ZNF3: variants seen among roughly 807,000 people sequenced by gnomAD.
ZNF3 encodes the protein zinc finger protein 3.
Under a neutral mutation model 36.9 loss-of-function variants are expected in ZNF3, and 16 were observed. That is an observed-to-expected ratio of 0.43 (90% CI 0.29 to 0.66). The LOEUF is 0.66. ZNF3 is among the 30% of genes least tolerant of loss of function. The pLI is 0.13. For synonymous variants in ZNF3, 201 were observed against 201.9 expected (o/e 1.00, Z 0.04); for missense variants, 462 against 543.1 (o/e 0.85, Z 1.48).
exon 6 of ZNF3, chr7:100,064,459 G>T (rs1295841267): frequency 1.2e-6 from 2 of 1,613,916 alleles, no homozygotes; most frequent in Non-Finnish European, 1.7e-6. Context: ...TAAGGAGTGT[G>T]GGAAAGCCTT....
At chr7:100,072,367 C>T (rs2116301380) in intron 5 of ZNF3, among the ~76,000 whole-genome samples, 155 bp from the exon 6 acceptor site, 1 of 152,288 alleles carries the variant, frequency 6.6e-6, no homozygotes, top group Non-Finnish European at 1.5e-5. Context: ...CAAAATGAGA[C>T]AGCCGGGCTA....
chr7:100,082,048 T>C (rs1368809499), upstream of ZNF3, among the ~76,000 whole-genome samples: 1 of 152,068 alleles, frequency 6.6e-6, no homozygotes, highest in Non-Finnish European at 1.5e-5. Context: ...CGCGCGGGGA[T>C]GTCGAGCCCG....
In ZNF3 at chr7:100,071,235, T is replaced by C; in HGVS notation, c.1249A>G (p.Ile417Val). The change falls in exon 6 of 6, where the codon ATT becomes GTT. Residue 417 changes from isoleucine to valine, a missense_variant. Ile to Val is a conservative substitution (Grantham distance 29). Coordinates refer to ENST00000299667, the MANE Select transcript of ZNF3 (RefSeq NM_032924.5). ...YSSALVRHQR[I>V]HTGEKPLNGI... ...TTCAAAGGCTTCTCTCCAGTGTGAATTCTCTGATGGCGAACAAGAGCCGAG... is the reference window on the plus strand; with the variant it reads ...TTCAAAGGCTTCTCTCCAGTGTGAACTCTCTGATGGCGAACAAGAGCCGAG... 4 of 1,614,244 alleles carry C rather than the reference T, an allele frequency of 2.5e-6. No homozygotes were observed. Among genetic ancestry groups the C allele is most frequent in the Non-Finnish European group, 3.4e-6 (4 of 1,180,034 alleles).
rs377176359 is a variant in ZNF3 at position 100,071,980 on chromosome 7, T to C, written c.504A>G (p.Gly168=). The C allele has an allele frequency of 3.3e-5, 54 of 1,613,774 alleles. No homozygotes were observed. The highest frequency in any genetic ancestry group is 4.6e-5 in the Non-Finnish European group (54 of 1,179,944). ...VTVEEKLTPR[G]ERSEKYNDFG... ...AATCATTATATTTCTCGCTTCTCTCTCCCCTGGGGGTTAGCTTCTCCTCAA... is the reference window on the plus strand; with the variant it reads ...AATCATTATATTTCTCGCTTCTCTCCCCCCTGGGGGTTAGCTTCTCCTCAA... The change falls in exon 6 of 6, where the codon GGA becomes GGG. Residue 168 remains glycine, a synonymous_variant. Coordinates refer to ENST00000299667, the MANE Select transcript of ZNF3 (RefSeq NM_032924.5).
At chr7:100,069,070 C>T (rs920131494), downstream of ZNF3, among the ~76,000 whole-genome samples, 20 of 151,882 alleles carry the variant, frequency 1.3e-4, no homozygotes, top group Admixed American at 1.1e-3. Flanking sequence ...CCTTGTGATC[C>T]GCCCACCTCG....
downstream of ZNF3, among the ~76,000 whole-genome samples, chr7:100,068,824 A>AT (rs562940443): frequency 5.9e-3 from 877 of 148,278 alleles, 5 homozygotes; most frequent in Middle Eastern, 0.017. Flanking sequence ...CACCCAGCTA[A>AT]TTTTTTTTTT....
intron 2 of ZNF3, 73 bp from the exon 3 acceptor site, chr7:100,077,506 TA>T (rs142917587): frequency 0.044 from 62,463 of 1,427,910 alleles, 1,427 homozygotes; most frequent in Middle Eastern, 0.055. Flanking sequence ...TGGGAGCTAG[TA>T]TTTCAGTGAG....
Position 100,071,370 on chromosome 7 carries a change from C to G in ZNF3, c.1114G>C (p.Glu372Gln). 6.2e-7 allele frequency: 1 copy of G among 1,614,182 alleles called. No homozygotes were observed. The highest frequency in any genetic ancestry group is 8.5e-7 in the Non-Finnish European group (1 of 1,180,036). The change falls in exon 6 of 6, where the codon GAA becomes CAA. Residue 372 changes from glutamate (E) to glutamine (Q), a missense_variant. Physicochemically the swap from Glu to Gln is conservative, Grantham distance 29 (BLOSUM62 2). Coordinates refer to ENST00000299667, the MANE Select transcript of ZNF3 (RefSeq NM_032924.5). ...CTGTAGGTAAACTTTCCTCCACATT[C>G]CATACATTCGTAGGGCTTCTCTCCA... ...HTGEKPYECM[E>Q]CGGKFTYSSG...
At chr7:100,066,547 G>A (rs554405270), downstream of ZNF3, among the ~76,000 whole-genome samples, 2 of 151,640 alleles carry the variant, frequency 1.3e-5, no homozygotes, top group East Asian at 3.9e-4. Context: ...TGGCTAACAA[G>A]GTGAAACCCC....
intron 5 of ZNF3, chr7:100,064,953 A>G (rs1792571325): frequency 6.2e-7 from 1 of 1,606,856 alleles, no homozygotes; most frequent in Admixed American, 1.7e-5. Context: ...AATTTTTAAC[A>G]TATATTCAAG....
rs1273679180 is a variant in ZNF3, at chr7:100,071,415, G to T, written c.1069C>A (p.Gln357Lys). The T allele has an allele frequency of 6.2e-7, 1 of 1,614,216 alleles. No homozygotes were observed. The highest frequency in any genetic ancestry group is 8.5e-7 in the Non-Finnish European group (1 of 1,180,040). ...TCTCCAGTGTGGATTCTCTGGTGCTGATAGAGGTGTGAGCTCTGGCTGAAG... is the reference window on the plus strand; with the variant it reads ...TCTCCAGTGTGGATTCTCTGGTGCTTATAGAGGTGTGAGCTCTGGCTGAAG... ...KAFSQSSHLYQHQRIHTGEKP... is the reference protein window; with the variant it reads ...KAFSQSSHLYKHQRIHTGEKP... The change falls in exon 6 of 6, where the codon CAG (glutamine) becomes AAG (lysine). Residue 357 changes from glutamine (Q) to lysine (K), a missense_variant. Physicochemically the swap from Gln to Lys is moderately conservative, Grantham distance 53. Transcript: ENST00000299667.
chr7:100,075,100 C>T, intron 5 of ZNF3, 35 bp downstream of exon 5: 5 of 1,556,804 alleles, frequency 3.2e-6, no homozygotes, highest in Non-Finnish European at 4.3e-6. Context: ...CAAAGAAACA[C>T]CAGCGAGTTT....
Position 100,070,336 on chromosome 7 carries a change from T to C in ZNF3, c.*807A>G. The C allele has an allele frequency of 1.0e-6, 1 of 985,446 alleles. No homozygotes were observed. Among genetic ancestry groups the C allele is most frequent in the Non-Finnish European group, 1.2e-6 (1 of 829,982 alleles). 61.0% of individuals were successfully genotyped at this position (985,446 alleles called of 1,614,324 possible). A position where few individuals can be genotyped will look rare whatever the true frequency, so the allele number is the denominator to read the frequency against. ...CCTTGAAAGCATCCTTACCCAGGCA[T>C]TTAGAGAAAATCATTTTCATCATTG... On this transcript the variant is annotated 3_prime_UTR_variant, in exon 6 of 6. Coordinates refer to ENST00000299667, the MANE Select transcript of ZNF3 (RefSeq NM_032924.5).
chr7:100,072,694 G>A lies in ZNF3; in HGVS notation c.272-482C>T, dbSNP rs1250865839. ...GGGGAGGATGCTAGTGGCTGCCATG[G>A]CCCCATAAGAAGAGCAATCATGGCT... is the stretch of plus-strand genomic sequence containing the variant. On this transcript the variant is annotated intron_variant, in intron 5 of 5. Coordinates refer to ENST00000299667, the MANE Select transcript of ZNF3 (RefSeq NM_032924.5). 5.3e-5 allele frequency among the ~76,000 whole-genome samples: 8 copies of A among 152,122 alleles called. No homozygotes were observed. In the South Asian group the frequency reaches 1.5e-3, roughly 28 times the overall value.
chr7:100,072,565 A>T (rs941043175), intron 5 of ZNF3, among the ~76,000 whole-genome samples: 10 of 152,312 alleles, frequency 6.6e-5, no homozygotes, highest in African/African-American at 2.4e-4. Flanking sequence ...AGTGGATATA[A>T]CTGGGGACAC....
intron 3 of ZNF3, among the ~76,000 whole-genome samples, chr7:100,076,677 C>T (rs1794170841): frequency 1.3e-5 from 2 of 152,170 alleles, no homozygotes; most frequent in African/African-American, 2.4e-5. Context: ...CCTCTAAAAG[C>T]ATGCTCCTAA....
At chr7:100,063,971 C>T (rs947642699), downstream of ZNF3, 3 of 1,614,102 alleles carry the variant, frequency 1.9e-6, no homozygotes, top group Non-Finnish European at 2.5e-6. Context: ...GAGGCAGGCT[C>T]CAAGAAAGGT....
rs752483734 is a variant in ZNF3, at chr7:100,071,624, T to C, written c.860A>G (p.Asn287Ser). 76 of 1,613,498 alleles carry C rather than the reference T, an allele frequency of 4.7e-5. 1 individual carries two copies. The Middle Eastern group carries it at 1.3e-3, about 28-fold the overall frequency. Reference sequence around the variant, plus strand: ...CCAGCTGAAGGTCTTCCCACACTCATTACATTCATAGGGTTTCTCCCCCGT... The same window carrying C: ...CCAGCTGAAGGTCTTCCCACACTCACTACATTCATAGGGTTTCTCCCCCGT... ...IHTGEKPYEC[N>S]ECGKTFSWSS... Residue 287 changes from asparagine (N) to serine (S), a missense_variant, in exon 6 of 6, where the codon AAT becomes AGT. Transcript: ENST00000299667.
rs966493224 is a variant in ZNF3, at chr7:100,070,803, A to C, written c.*340T>G. 3 of 1,082,346 alleles carry C rather than the reference A, an allele frequency of 2.8e-6. No individual in the cohort carries two copies. The South Asian group carries it at 1.0e-4, about 36-fold the overall frequency. The allele number at this position is 1,082,346 out of a possible 1,614,324, so 67.0% of individuals were successfully genotyped here. On this transcript the variant is annotated 3_prime_UTR_variant, in exon 6 of 6. Coordinates refer to ENST00000299667, the MANE Select transcript of ZNF3 (RefSeq NM_032924.5). The stretch of plus-strand genomic sequence containing the variant: ...GTCTGTGCTGACTACGCGGACTCCA[A>C]CTAAAGGAATCCATCGAATTCTGTC...
Sources: gnomAD v4.1 joint callset for allele counts (sites outside exome capture counted in the v4.1 genomes callset) on GRCh38, gnomAD v4.1.1 for gene constraint, MANE v1.5 for transcripts, NCBI Gene and HGNC (gene_info 2026-07-23, HGNC 2026-07-21) for gene names.